ZFYVE28: variants seen among roughly 807,000 people sequenced by gnomAD.
The protein encoded by ZFYVE28 is lateral signaling target protein 2 homolog.
Under a neutral mutation model 82.1 loss-of-function variants are expected in ZFYVE28, and 40 were observed. That is an observed-to-expected ratio of 0.49 (90% CI 0.38 to 0.63). The LOEUF (loss-of-function observed/expected upper bound fraction) is 0.63, where lower values mean the gene tolerates loss of function less well. ZFYVE28 is among the 30% of genes least tolerant of loss of function. The pLI is 0.00. For synonymous variants in ZFYVE28, 612 were observed against 546.1 expected (o/e 1.12, Z -1.68); for missense variants, 1,321 against 1,242.1 (o/e 1.06, Z -0.96).
At chr4:2,334,500 C>A (rs999074174) in intron 6 of ZFYVE28, among the ~76,000 whole-genome samples, 3 of 151,996 alleles carry the variant, frequency 2.0e-5, no homozygotes, top group African/African-American at 7.2e-5. Context: ...GGAGGGGTAT[C>A]CATGCTCAAC....
chr4:2,345,789 G>T (rs978774203), intron 2 of ZFYVE28, among the ~76,000 whole-genome samples: 1 of 151,574 alleles, frequency 6.6e-6, no homozygotes, highest in African/African-American at 2.4e-5. Flanking sequence ...CTTTAAAGTA[G>T]CACGAGAAAA....
intron 6 of ZFYVE28, among the ~76,000 whole-genome samples, chr4:2,325,592 C>CTTTTTTTTTTTTTTT (rs58460729): frequency 1.6e-5 from 2 of 122,228 alleles, no homozygotes; most frequent in African/African-American, 3.1e-5. Context: ...TTAAATCTTA[C>CTTTTTTTTTTTTTTT]TTTTTTTTTT....
At chr4:2,342,647 T>A (rs7663204) in intron 2 of ZFYVE28, 2 of 152,136 alleles carry the variant, frequency 1.3e-5, no homozygotes, top group Non-Finnish European at 2.9e-5. Context: ...TTTTGAACAC[T>A]TTGTGTATAT....
Position 2,305,177 on chromosome 4 carries a change from G to A in ZFYVE28, c.1163C>T (p.Pro388Leu), listed in dbSNP as rs142322588. 9.8e-5 allele frequency: 157 copies of A among 1,595,832 alleles called. No individual in the cohort carries two copies. Among genetic ancestry groups the A allele is most frequent in the East Asian group, 2.2e-4 (10 of 44,554 alleles). ...CTCGTCACTGCCTGACCGCAGGCGC[G>A]GTCTACCTGGAGAGGCCTCCCCGCC... ...SPGGEASPGRPRLRSGSDEEE... is the reference protein window; with the variant it reads ...SPGGEASPGRLRLRSGSDEEE... Residue 388 changes from proline to leucine, a missense_variant, in exon 8 of 13, where the codon CCG (proline) becomes CTG (leucine). By Grantham distance (98) the Pro-to-Leu change is moderately conservative (BLOSUM62 -3). Around this residue, in one of 2 missense-constraint regions of ZFYVE28, gnomAD observed 978 missense variants for 833.7 expected, o/e 1.17. Coordinates refer to ENST00000290974, the MANE Select transcript of ZFYVE28 (RefSeq NM_020972.3).
rs561269858 is a variant in ZFYVE28, at chr4:2,372,023, G to A, written c.40-17950C>T. ...GTGATGGAGCTGGGGGCTGGCAGGG[G>A]TGCAAGGCCATGCACGAGCCTCAGG... On this transcript the variant is annotated intron_variant, in intron 1 of 12. Transcript: ENST00000290974. This position sits in a 1 kb window ranked among gnomAD's most constrained non-coding sequence, Gnocchi z 5.2. Among the ~76,000 whole-genome samples the A allele has an allele frequency of 6.6e-6, 1 of 152,392 alleles. No individual in the cohort carries two copies. Among genetic ancestry groups the A allele is most frequent in the African/African-American group, 2.4e-5 (1 of 41,594 alleles).
chr4:2,343,719 C>T (rs1723135503), intron 2 of ZFYVE28, among the ~76,000 whole-genome samples: 2 of 152,104 alleles, frequency 1.3e-5, no homozygotes, highest in African/African-American at 4.8e-5. Flanking sequence ...GCCCAGGTGG[C>T]ACAGCTTGCC....
At chr4:2,323,931 T>G (rs1719481678) in intron 6 of ZFYVE28, among the ~76,000 whole-genome samples, 1 of 152,140 alleles carries the variant, frequency 6.6e-6, no homozygotes, top group Non-Finnish European at 1.5e-5. Context: ...ATTTTCTTAA[T>G]CCAGTCTATC....
intron 1 of ZFYVE28, among the ~76,000 whole-genome samples, chr4:2,391,245 G>A (rs982850957): frequency 2.6e-5 from 4 of 152,008 alleles, no homozygotes; most frequent in Non-Finnish European, 5.9e-5. Flanking sequence ...CCCCACGGCC[G>A]CTCAGTCACT....
chr4:2,364,221 T>C (rs1726548193), intron 1 of ZFYVE28, among the ~76,000 whole-genome samples: 2 of 152,128 alleles, frequency 1.3e-5, no homozygotes, highest in African/African-American at 4.8e-5. Flanking sequence ...GCACATCAAC[T>C]CTGCCCACCC....
intron 1 of ZFYVE28, among the ~76,000 whole-genome samples, chr4:2,380,515 C>T (rs974857882): frequency 2.6e-5 from 4 of 152,188 alleles, no homozygotes; most frequent in Non-Finnish European, 5.9e-5. Flanking sequence ...CAGCAGAAAC[C>T]ACCTGGTTTG....
chr4:2,304,472 C>A lies in ZFYVE28; in HGVS notation c.1868G>T (p.Gly623Val). ...GGAAGTGGGGGCTTTGGGCTCCCGC[C>A]CGTTGGAGGCATCTTCTGAGGGTGG... ...APPPSEDASN[G>V]REPKAPTSDK... Residue 623 changes from glycine to valine, a missense_variant, in exon 8 of 13, where the codon GGG becomes GTG. By Grantham distance (109) the Gly-to-Val change is moderately radical. Around this residue, in one of 2 missense-constraint regions of ZFYVE28, gnomAD observed 978 missense variants for 833.7 expected, o/e 1.17. Coordinates refer to ENST00000290974, the MANE Select transcript of ZFYVE28 (RefSeq NM_020972.3). 1 of 1,613,342 alleles carries A rather than the reference C, an allele frequency of 6.2e-7. No individual in the cohort carries two copies. The highest frequency in any genetic ancestry group is 8.5e-7 in the Non-Finnish European group (1 of 1,179,844).
rs1329712126 is a variant in ZFYVE28, at chr4:2,320,131, C to T, written c.803+39G>A. ...CAGCGCCCACCTGTGGCCCTCCTGTCCCCCTCCCCTCCCCCACCTCCTCTA... is the reference window on the plus strand; with the variant it reads ...CAGCGCCCACCTGTGGCCCTCCTGTTCCCCTCCCCTCCCCCACCTCCTCTA... On this transcript the variant is annotated intron_variant, in intron 7 of 12. Transcript: ENST00000290974. This position sits in a 1 kb window ranked among gnomAD's most constrained non-coding sequence, Gnocchi z 5.1. 5.2e-6 allele frequency: 8 copies of T among 1,551,220 alleles called. No individual in the cohort carries two copies. The highest frequency in any genetic ancestry group is 1.1e-5 in the South Asian group (1 of 89,514).
intron 2 of ZFYVE28, among the ~76,000 whole-genome samples, chr4:2,349,814 A>G (rs909998008): frequency 2.0e-5 from 3 of 152,226 alleles, no homozygotes; most frequent in African/African-American, 7.2e-5. Context: ...GAAAAAAAAA[A>G]TCTAACATCT....
chr4:2,366,093 G>A (rs1176298487), intron 1 of ZFYVE28, among the ~76,000 whole-genome samples: 1 of 152,244 alleles, frequency 6.6e-6, no homozygotes, highest in East Asian at 1.9e-4. Flanking sequence ...GAGGCTGAAT[G>A]TGGATGTCCC....
Position 2,304,747 on chromosome 4 carries a change from G to T in ZFYVE28, c.1593C>A (p.Val531=). 6.2e-7 allele frequency: 1 copy of T among 1,612,596 alleles called. No individual in the cohort carries two copies. Among genetic ancestry groups the T allele is most frequent in the South Asian group, 1.1e-5 (1 of 91,066 alleles). Residue 531 remains valine, a synonymous_variant, in exon 8 of 13, where the codon GTC becomes GTA. Coordinates refer to ENST00000290974, the MANE Select transcript of ZFYVE28 (RefSeq NM_020972.3). ...PKSPTSLDSA[V]ATQEAASEPV... Reference sequence around the variant, plus strand: ...GCTCCGAGGCGGCCTCCTGGGTGGCGACCGCAGAGTCCAGGGAAGTGGGCG... The same window carrying T: ...GCTCCGAGGCGGCCTCCTGGGTGGCTACCGCAGAGTCCAGGGAAGTGGGCG...
At chr4:2,377,652 G>C (rs1322154643) in intron 1 of ZFYVE28, among the ~76,000 whole-genome samples, 1 of 152,158 alleles carries the variant, frequency 6.6e-6, no homozygotes, top group African/African-American at 2.4e-5. Flanking sequence ...CGGCACTTGG[G>C]GTTGCTGAGA....
intron 2 of ZFYVE28, among the ~76,000 whole-genome samples, chr4:2,344,883 C>CA (rs779047188): frequency 2.1e-5 from 3 of 146,070 alleles, no homozygotes; most frequent in East Asian, 2.1e-4. Context: ...GCAATATGAG[C>CA]AAAAAAAACT....
chr4:2,404,933 G>A (rs28703260), intron 1 of ZFYVE28, among the ~76,000 whole-genome samples: 29,795 of 145,338 alleles, frequency 0.21, 3,410 homozygotes, highest in African/African-American at 0.32. Context: ...TGGCACAGTC[G>A]TAGTTCACTG....
At chr4:2,368,890 AC>A (rs1357341890) in intron 1 of ZFYVE28, among the ~76,000 whole-genome samples, 1 of 152,238 alleles carries the variant, frequency 6.6e-6, no homozygotes, top group Admixed American at 6.5e-5. Flanking sequence ...CTGCCAGGCT[AC>A]TTTCCAAAGA....
Sources: gnomAD v4.1 joint callset for allele counts (sites outside exome capture counted in the v4.1 genomes callset) on GRCh38, gnomAD v4.1.1 for gene constraint, gnomAD v4.1.1 regional missense constraint, Gnocchi (gnomAD v3.1) non-coding constraint, MANE v1.5 for transcripts, NCBI Gene and HGNC (gene_info 2026-07-23, HGNC 2026-07-21) for gene names.